The following ORC5 variants were observed in gnomAD, a reference collection of about 807,000 sequenced individuals.
ORC5 encodes the protein protein phosphatase 1, regulatory subunit 117.
In ORC5, 39 loss-of-function variants were observed where a neutral mutation model predicts 58.8. The ratio of observed to expected loss-of-function variants is 0.66; its 90% CI spans 0.51 to 0.87. ORC5 has a LOEUF of 0.87. Ranked by LOEUF, ORC5 falls within the 40% of genes least tolerant of loss-of-function variation. The pLI, the probability that ORC5 is intolerant of heterozygous loss-of-function variation, is 0.00. For synonymous variants in ORC5, 218 were observed against 177.6 expected, an observed-to-expected ratio of 1.23 and a Z score of -1.81; for missense variants, 493 against 506.3, an observed-to-expected ratio of 0.97 and a Z score of 0.25.
chr7:104,174,698 A>T (rs1799287291), intron 8 of ORC5, among the ~76,000 whole-genome samples: 1 of 152,210 alleles, frequency 6.6e-6, no homozygotes, highest in Non-Finnish European at 1.5e-5. Flanking sequence ...GAAACTGGTG[A>T]TCAGCAGCTT....
chr7:104,150,865 T>C (rs1304423855), intron 12 of ORC5, among the ~76,000 whole-genome samples: 1 of 151,826 alleles, frequency 6.6e-6, no homozygotes, highest in African/African-American at 2.4e-5. Context: ...TGACATAAAA[T>C]GAGTGCTATG....
At chr7:104,173,841 TTTTC>T (rs1428820209) in intron 8 of ORC5, among the ~76,000 whole-genome samples, 1,262 of 91,768 alleles carry the variant, frequency 0.014, 33 homozygotes, top group African/African-American at 0.051. Flanking sequence ...GTTTAAAATT[TTTTC>T]TTTTTTTTTT....
intron 8 of ORC5, among the ~76,000 whole-genome samples, chr7:104,169,586 G>A (rs994752093): frequency 6.6e-6 from 1 of 152,044 alleles, no homozygotes; most frequent in Admixed American, 6.6e-5. Flanking sequence ...TCTTAAAAAT[G>A]AGCTAATTTA....
chr7:104,179,668 T>C lies in ORC5; in HGVS notation c.824+4275A>G, dbSNP rs1799395684. Among the ~76,000 whole-genome samples, 3 of 152,004 alleles carry C rather than the reference T, an allele frequency of 2.0e-5. No individual in the cohort carries two copies. In the South Asian group the frequency reaches 6.2e-4, roughly 32 times the overall value. ...TTTTTTGTTGTTTTTTTTTTCTGTT[T>C]CACAGTCTTCATTTAATTTTCTAGT... On this transcript the variant is annotated intron_variant, in intron 8 of 13. Coordinates refer to ENST00000297431, the MANE Select transcript of ORC5 (RefSeq NM_002553.4).
rs531312951 is a variant in ORC5, at chr7:104,189,373, T to C, written c.554-992A>G. Among the ~76,000 whole-genome samples the C allele has an allele frequency of 8.5e-4, 130 of 152,152 alleles. 1 individual carries two copies. The highest frequency in any genetic ancestry group is 6.8e-3 in the Middle Eastern group (2 of 294). Reference sequence around the variant, plus strand: ...ACAGCTTTCGTGAGAACTCAGTATCTTGAGAACAGCATGGGGGAATCGCAC... The same window carrying C: ...ACAGCTTTCGTGAGAACTCAGTATCCTGAGAACAGCATGGGGGAATCGCAC... On this transcript the variant is annotated intron_variant, in intron 5 of 13. Transcript: ENST00000297431.
intron 12 of ORC5, among the ~76,000 whole-genome samples, chr7:104,142,900 A>G (rs1461570581): frequency 6.6e-6 from 1 of 152,198 alleles, no homozygotes; most frequent in African/African-American, 2.4e-5. Flanking sequence ...AAGTACTGCT[A>G]AAACCCAAGA....
chr7:104,142,457 C>T (rs1287869936), intron 12 of ORC5, among the ~76,000 whole-genome samples: 2 of 151,644 alleles, frequency 1.3e-5, no homozygotes, highest in Non-Finnish European at 2.9e-5. Context: ...ACAAGGCAAT[C>T]TACAGAATGG....
chr7:104,191,438 T>G (rs567578681), intron 5 of ORC5, among the ~76,000 whole-genome samples: 2 of 152,012 alleles, frequency 1.3e-5, no homozygotes, highest in Non-Finnish European at 2.9e-5. Context: ...TGGAAAACAG[T>G]TGAGTCTCCA....
At chr7:104,179,781 T>C (rs1031337153) in intron 8 of ORC5, among the ~76,000 whole-genome samples, 1 of 152,204 alleles carries the variant, frequency 6.6e-6, no homozygotes, top group South Asian at 2.1e-4. Flanking sequence ...CTCAGACTTA[T>C]ATCTCAGAAG....
chr7:104,169,327 T>C (rs1727068361), intron 8 of ORC5, among the ~76,000 whole-genome samples: 1 of 147,868 alleles, frequency 6.8e-6, no homozygotes, highest in South Asian at 2.2e-4. Flanking sequence ...GTTCAAGGTA[T>C]TTTAATTGCC....
At position 104,126,874 on chromosome 7, in the gene ORC5, T is replaced by C. The variant is rs773143254; in HGVS notation, c.1282A>G (p.Ile428Val). 1.2e-5 allele frequency: 19 copies of C among 1,607,980 alleles called. No homozygotes were observed. Among genetic ancestry groups the C allele is most frequent in the Non-Finnish European group, 1.5e-5 (18 of 1,175,682 alleles). The change falls in exon 14 of 14, where the codon ATA (isoleucine) becomes GTA (valine). Residue 428 changes from isoleucine (I) to valine (V), a missense_variant. This residue lies in a region of ORC5 where 77 missense variants were observed against 86.1 expected (regional missense o/e 0.89). Transcript: ENST00000297431. ...AIARTVNFDIIKYLYDFL is the reference protein window; with the variant it reads ...AIARTVNFDIVKYLYDFL ...CACAAGAAATCATACAAGTATTTTATTATGTCAAAGTTCACCGTCCTAAAA... is the reference window on the plus strand; with the variant it reads ...CACAAGAAATCATACAAGTATTTTACTATGTCAAAGTTCACCGTCCTAAAA...
chr7:104,183,536 A>G (rs1011743542), intron 8 of ORC5, among the ~76,000 whole-genome samples: 2 of 152,230 alleles, frequency 1.3e-5, no homozygotes, highest in Non-Finnish European at 2.9e-5. Context: ...AAGGGTTCAC[A>G]TGCATAATGT....
chr7:104,196,746 T>G lies in ORC5; in HGVS notation c.441+979A>C, dbSNP rs567126504. ...TAAAATTAGGTAGGTATAAACTGCT[T>G]ATACTCAAAGCACTTACAAAATTAT... is the stretch of plus-strand genomic sequence containing the variant. On this transcript the variant is annotated intron_variant, in intron 4 of 13. Coordinates refer to ENST00000297431, the MANE Select transcript of ORC5 (RefSeq NM_002553.4). Among the ~76,000 whole-genome samples, 6 of 152,334 alleles carry G rather than the reference T, an allele frequency of 3.9e-5. No individual in the cohort carries two copies. In the South Asian group the frequency reaches 1.2e-3, roughly 32 times the overall value.
intron 12 of ORC5, among the ~76,000 whole-genome samples, chr7:104,155,208 C>CA (rs1798904115): frequency 6.6e-6 from 1 of 151,766 alleles, no homozygotes; most frequent in South Asian, 2.1e-4. Context: ...TCCATAGTAT[C>CA]ATGACATGAG....
At chr7:104,158,714 C>G (rs546570113) in intron 12 of ORC5, among the ~76,000 whole-genome samples, 42 of 150,830 alleles carry the variant, frequency 2.8e-4, no homozygotes, top group Non-Finnish European at 1.2e-4. Context: ...GCAGCCAAAA[C>G]ACACATGAAA....
chr7:104,139,275 T>A (rs1284120054), intron 12 of ORC5, among the ~76,000 whole-genome samples: 1 of 152,208 alleles, frequency 6.6e-6, no homozygotes, highest in Non-Finnish European at 1.5e-5. Flanking sequence ...ATTTGCTTGG[T>A]ATTAAGTACT....
intron 5 of ORC5, among the ~76,000 whole-genome samples, chr7:104,190,878 C>G (rs1489591830): frequency 6.6e-6 from 1 of 151,722 alleles, no homozygotes; most frequent in Non-Finnish European, 1.5e-5. Flanking sequence ...ACCATTGGCC[C>G]TTGATTTTAA....
intron 12 of ORC5, among the ~76,000 whole-genome samples, chr7:104,150,148 A>C (rs974885122): frequency 3.9e-5 from 6 of 152,192 alleles, no homozygotes; most frequent in Non-Finnish European, 8.8e-5. Flanking sequence ...TCGGCTAATA[A>C]ACTGTTATTT....
chr7:104,203,721 G>A (rs764193075), intron 2 of ORC5, among the ~76,000 whole-genome samples: 4 of 152,144 alleles, frequency 2.6e-5, no homozygotes, highest in Non-Finnish European at 4.4e-5. Context: ...CTTATACAAT[G>A]GGCGAATTAC....
Sources: allele counts gnomAD v4.1 joint callset (sites outside exome capture counted in the v4.1 genomes callset), GRCh38; gene constraint gnomAD v4.1.1; regional missense constraint gnomAD v4.1.1; transcripts MANE v1.5; gene names NCBI Gene and HGNC (gene_info 2026-07-23, HGNC 2026-07-21).